APOBEC1: variants seen among roughly 807,000 people sequenced by gnomAD.
APOBEC1 encodes the protein C->U-editing enzyme APOBEC-1.
Under a neutral mutation model 26.3 loss-of-function variants are expected in APOBEC1, and 22 were observed. The ratio of observed to expected loss-of-function variants is 0.84; its 90% CI spans 0.60 to 1.19. APOBEC1 has a LOEUF of 1.19. Among genes scored for constraint, APOBEC1 ranks in the 50% most tolerant of loss-of-function variants. The probability of loss-of-function intolerance (pLI) is 0.00; values close to 1 mark genes in which losing one functional copy is unlikely to be tolerated. For synonymous variants in APOBEC1, 77 were observed against 95.3 expected, an observed-to-expected ratio of 0.81 and a Z score of 1.12; for missense variants, 253 against 289.0, an observed-to-expected ratio of 0.88 and a Z score of 0.90.
chr12:7,658,958 GAAA>G (rs35834174), intron 1 of APOBEC1, among the ~76,000 whole-genome samples: 1 of 129,042 alleles, frequency 7.7e-6, no homozygotes, highest in Admixed American at 8.2e-5. Flanking sequence ...CATGTCAAAA[GAAA>G]AAAAAAAAAA....
chr12:7,666,682 T>C (rs375682150), upstream of APOBEC1, among the ~76,000 whole-genome samples: 10 of 152,284 alleles, frequency 6.6e-5, no homozygotes, highest in African/African-American at 2.4e-4. Flanking sequence ...AAAATTTTTA[T>C]GTTATCTGGT....
chr12:7,655,507 T>A (rs1398490990), intron 1 of APOBEC1, among the ~76,000 whole-genome samples: 4 of 148,722 alleles, frequency 2.7e-5, no homozygotes, highest in African/African-American at 9.9e-5. Flanking sequence ...AGAGCAAGAC[T>A]CCTTAAAAAA....
chr12:7,658,627 A>G (rs1460301646), intron 1 of APOBEC1, among the ~76,000 whole-genome samples: 5 of 152,038 alleles, frequency 3.3e-5, no homozygotes, highest in African/African-American at 7.2e-5. Context: ...GAGTCTGAGA[A>G]CTCTTCTCAA....
chr12:7,668,532 A>G (rs964369757), upstream of APOBEC1, among the ~76,000 whole-genome samples: 2 of 152,190 alleles, frequency 1.3e-5, no homozygotes, highest in African/African-American at 4.8e-5. Flanking sequence ...AAAACTTGGA[A>G]CTATGACATA....
intron 1 of APOBEC1, among the ~76,000 whole-genome samples, chr12:7,656,264 A>G (rs1190458328): frequency 6.6e-6 from 1 of 152,136 alleles, no homozygotes; most frequent in East Asian, 1.9e-4. Flanking sequence ...TTATGAAATC[A>G]TGCCTCACCT....
chr12:7,649,915 A>C (rs1863616472), intron 4 of APOBEC1, among the ~76,000 whole-genome samples: 1 of 152,062 alleles, frequency 6.6e-6, no homozygotes, highest in African/African-American at 2.4e-5. Flanking sequence ...TCCTAGGCTC[A>C]AACAATTCTC....
Position 7,660,371 on chromosome 12 carries a change from GGAAGGAAAGAAA to G in APOBEC1, c.16+5474_16+5485del, listed in dbSNP as rs1266227762. ...AGGAAGGAAGGAAGGAAGGAAGGAA[GGAAGGAAAGAAA>G]GAAAGAAAGAAAGAAAGAAAGAAAG... is the stretch of plus-strand genomic sequence containing the variant. On this transcript the variant is annotated intron_variant, in intron 1 of 4. Transcript: ENST00000229304. Among the ~76,000 whole-genome samples, 11 of 18,054 alleles carry G rather than the reference GGAAGGAAAGAAA, an allele frequency of 6.1e-4. No individual in the cohort carries two copies. The East Asian group carries it at 8.5e-3, about 14-fold the overall frequency. 11.8% of individuals were successfully genotyped at this position (18,054 alleles called of 152,430 possible). A position where few individuals can be genotyped will look rare whatever the true frequency, so the allele number is the denominator to read the frequency against.
chr12:7,668,975 A>G (rs1863924283), upstream of APOBEC1, among the ~76,000 whole-genome samples: 2 of 151,840 alleles, frequency 1.3e-5, no homozygotes, highest in South Asian at 2.1e-4. Context: ...CAAGTGATCC[A>G]CCCACCTTGG....
chr12:7,653,574 G>A (rs1351975123), intron 2 of APOBEC1, among the ~76,000 whole-genome samples: 1 of 141,582 alleles, frequency 7.1e-6, no homozygotes, highest in Non-Finnish European at 1.5e-5. Flanking sequence ...CTACTCTCCT[G>A]CCTCAGCCTC....
chr12:7,656,876 A>G (rs1198457789), intron 1 of APOBEC1, among the ~76,000 whole-genome samples: 1 of 152,242 alleles, frequency 6.6e-6, no homozygotes, highest in Admixed American at 6.5e-5. Flanking sequence ...TGGCATGAAC[A>G]TCATTGACAT....
chr12:7,664,352 C>A (rs898237550), intron 1 of APOBEC1, among the ~76,000 whole-genome samples: 2 of 152,150 alleles, frequency 1.3e-5, no homozygotes, highest in Non-Finnish European at 2.9e-5. Flanking sequence ...TTAGTCATAT[C>A]TCTGTGCTAT....
intron 1 of APOBEC1, among the ~76,000 whole-genome samples, chr12:7,660,108 G>T (rs1863783658): frequency 1.3e-5 from 2 of 151,746 alleles, no homozygotes; most frequent in Non-Finnish European, 2.9e-5. Context: ...TTCAAGACTA[G>T]CCTGGGCAAC....
intron 1 of APOBEC1, among the ~76,000 whole-genome samples, chr12:7,658,795 A>G (rs2136847748): frequency 6.6e-6 from 1 of 151,478 alleles, no homozygotes; most frequent in East Asian, 2.0e-4. Context: ...TCTACTAAAA[A>G]TACAAAAATT....
At chr12:7,663,368 A>G (rs1011493415) in intron 1 of APOBEC1, among the ~76,000 whole-genome samples, 4 of 152,160 alleles carry the variant, frequency 2.6e-5, no homozygotes. Flanking sequence ...CCAGATATCT[A>G]GGAAATAGGA....
chr12:7,667,970 T>G (rs1281699729), upstream of APOBEC1, among the ~76,000 whole-genome samples: 1 of 150,954 alleles, frequency 6.6e-6, no homozygotes, highest in Non-Finnish European at 1.5e-5. Context: ...ATCCATGTCC[T>G]GATCCCTGGA....
intron 1 of APOBEC1, among the ~76,000 whole-genome samples, chr12:7,655,001 G>T (rs1401114155): frequency 6.6e-6 from 1 of 152,146 alleles, no homozygotes; most frequent in Non-Finnish European, 1.5e-5. Flanking sequence ...CTGAGGTCAG[G>T]AGTTTGAGAC....
chr12:7,654,574 TA>T, intron 2 of APOBEC1, 30 bp downstream of exon 2: 1 of 1,611,242 alleles, frequency 6.2e-7, no homozygotes, highest in Non-Finnish European at 8.5e-7. Context: ...TTGATCAAAT[TA>T]AATGGGCACT....
At chr12:7,657,296 G>A (rs1299131429) in intron 1 of APOBEC1, among the ~76,000 whole-genome samples, 3 of 152,144 alleles carry the variant, frequency 2.0e-5, no homozygotes, top group Admixed American at 2.0e-4. Context: ...CCTAAGTTGA[G>A]CCAGTCCTTG....
chr12:7,667,731 A>G (rs989051595), upstream of APOBEC1, among the ~76,000 whole-genome samples: 5 of 152,090 alleles, frequency 3.3e-5, no homozygotes, highest in Non-Finnish European at 7.4e-5. Context: ...CCTGGCCAAC[A>G]TGGCAAAACC....
Sources: gnomAD v4.1 joint callset for allele counts (sites outside exome capture counted in the v4.1 genomes callset) on GRCh38, gnomAD v4.1.1 for gene constraint, MANE v1.5 for transcripts, NCBI Gene and HGNC (gene_info 2026-07-23, HGNC 2026-07-21) for gene names.